Variants in NEGR1 observed in about 807,000 individuals in gnomAD.
NEGR1 encodes IgLON family member 4.
In NEGR1, 10 loss-of-function variants were observed where a neutral mutation model predicts 40.9. The observed-to-expected ratio is 0.24, with a 90% CI of 0.15 to 0.42. NEGR1 has a LOEUF of 0.42. Among genes scored for constraint, NEGR1 ranks in the 10% least tolerant of loss-of-function variants. The pLI, the probability that NEGR1 is intolerant of heterozygous loss-of-function variation, is 1.00. For synonymous variants in NEGR1, 185 were observed against 166.8 expected (o/e 1.11, Z -0.84); for missense variants, 352 against 438.9 (o/e 0.80, Z 1.77).
chr1:71,955,086 C>T (rs1436206637), intron 1 of NEGR1, among the ~76,000 whole-genome samples: 1 of 152,072 alleles, frequency 6.6e-6, no homozygotes, highest in Non-Finnish European at 1.5e-5. Context: ...AATTCTTGGC[C>T]CTTTGTACCA....
intron 4 of NEGR1, among the ~76,000 whole-genome samples, chr1:71,692,114 C>T (rs1487819440): frequency 6.6e-6 from 1 of 151,570 alleles, no homozygotes; most frequent in Non-Finnish European, 1.5e-5. Flanking sequence ...GTAGCCCAGG[C>T]TGTAGCACCT....
intron 1 of NEGR1, among the ~76,000 whole-genome samples, chr1:72,065,013 C>T (rs976540601): frequency 1.8e-4 from 28 of 151,918 alleles, no homozygotes; most frequent in East Asian, 5.8e-4. Context: ...ATCAAATATT[C>T]CTGAGTAAAA....
intron 3 of NEGR1, among the ~76,000 whole-genome samples, chr1:71,709,499 A>G (rs932852943): frequency 6.6e-6 from 1 of 152,066 alleles, no homozygotes; most frequent in East Asian, 1.9e-4. Context: ...CCAAAACAGG[A>G]TGGCACGAGT....
At chr1:71,751,183 T>C (rs1655559734) in intron 3 of NEGR1, among the ~76,000 whole-genome samples, 1 of 152,152 alleles carries the variant, frequency 6.6e-6, no homozygotes, top group Admixed American at 6.5e-5. Flanking sequence ...GTTTCAGTTT[T>C]TATCTCCCCT....
chr1:72,064,496 A>G (rs11209902), intron 1 of NEGR1, among the ~76,000 whole-genome samples: 35 of 152,186 alleles, frequency 2.3e-4, no homozygotes, highest in African/African-American at 8.2e-4. Context: ...GCTGGGATCA[A>G]ATCAGAACAC....
intron 6 of NEGR1, among the ~76,000 whole-genome samples, chr1:71,575,363 T>C (rs1218945066): frequency 2.6e-5 from 4 of 152,154 alleles, no homozygotes; most frequent in Admixed American, 2.6e-4. Context: ...AGACTAAGGG[T>C]ATTGCCCTTC....
chr1:71,788,616 G>T (rs1351815841), intron 2 of NEGR1, among the ~76,000 whole-genome samples: 1 of 151,836 alleles, frequency 6.6e-6, no homozygotes, highest in Admixed American at 6.6e-5. Context: ...CCAGCAAGAG[G>T]ATTAAATATT....
intron 1 of NEGR1, among the ~76,000 whole-genome samples, chr1:71,996,741 A>G (rs866002218): frequency 2.0e-5 from 3 of 152,246 alleles, no homozygotes; most frequent in African/African-American, 7.2e-5. Flanking sequence ...ATCAGAAGAC[A>G]TAACCATAAA....
At chr1:72,014,335 A>C (rs1012129451) in intron 1 of NEGR1, among the ~76,000 whole-genome samples, 2 of 149,770 alleles carry the variant, frequency 1.3e-5, no homozygotes, top group Non-Finnish European at 3.0e-5. Flanking sequence ...GAAGTCACAT[A>C]AGTGGTAAGT....
At chr1:72,219,904 T>C (rs1394680361) in intron 1 of NEGR1, among the ~76,000 whole-genome samples, 1 of 152,082 alleles carries the variant, frequency 6.6e-6, no homozygotes, top group East Asian at 1.9e-4. Flanking sequence ...TAGAAAATAA[T>C]ATTAATGGTT....
chr1:71,692,726 C>T (rs1318771130), intron 4 of NEGR1, among the ~76,000 whole-genome samples: 1 of 151,722 alleles, frequency 6.6e-6, no homozygotes, highest in African/African-American at 2.4e-5. Flanking sequence ...ATGTTTGGAG[C>T]TAGTTATATT....
intron 2 of NEGR1, among the ~76,000 whole-genome samples, chr1:71,913,065 T>C (rs1369412080): frequency 6.6e-6 from 1 of 152,186 alleles, no homozygotes. Context: ...ATGTTATTTC[T>C]AGCCTCATAT....
intron 6 of NEGR1, among the ~76,000 whole-genome samples, chr1:71,487,418 T>A (rs1385602902): frequency 6.6e-6 from 1 of 151,754 alleles, no homozygotes; most frequent in African/African-American, 2.4e-5. Context: ...CCCTTTAAAG[T>A]TGTAGCCCCT....
At chr1:71,976,595 C>T (rs1364589330) in intron 1 of NEGR1, among the ~76,000 whole-genome samples, 2 of 152,040 alleles carry the variant, frequency 1.3e-5, no homozygotes, top group East Asian at 3.9e-4. Context: ...TAATAATTAT[C>T]TTTTTGTATT....
At chr1:72,095,698 C>A (rs1648671202) in intron 1 of NEGR1, among the ~76,000 whole-genome samples, 1 of 151,966 alleles carries the variant, frequency 6.6e-6, no homozygotes, top group South Asian at 2.1e-4. Context: ...ATGTAATTCT[C>A]TATTATTTCA....
In NEGR1 at chr1:71,471,136, C is replaced by T. The variant is rs115130269; in HGVS notation, c.941-63566G>A. 9.9e-3 allele frequency among the ~76,000 whole-genome samples: 1,509 copies of T among 152,184 alleles called. 23 individuals carry two copies. Among genetic ancestry groups the T allele is most frequent in the African/African-American group, 0.034 (1,418 of 41,526 alleles). On this transcript the variant is annotated intron_variant, in intron 6 of 6. Coordinates refer to ENST00000357731, the MANE Select transcript of NEGR1 (RefSeq NM_173808.3). ...TACTAGCTATATTAATGTGATATTA[C>T]TATTCCATTGTCTTTATTAACGTAA...
At chr1:71,441,427 G>A (rs1646546539) in intron 6 of NEGR1, among the ~76,000 whole-genome samples, 4 of 152,106 alleles carry the variant, frequency 2.6e-5, no homozygotes, top group Admixed American at 2.0e-4. Flanking sequence ...TTTGCCAAAT[G>A]CCATGACATA....
At chr1:72,230,197 T>G (rs1654319452) in intron 1 of NEGR1, among the ~76,000 whole-genome samples, 1 of 152,118 alleles carries the variant, frequency 6.6e-6, no homozygotes, top group Admixed American at 6.6e-5. Flanking sequence ...CCCTCACAAA[T>G]TCTAAATTCA....
chr1:71,574,258 A>T lies in NEGR1; in HGVS notation c.940+18559T>A, dbSNP rs76646181. Among the ~76,000 whole-genome samples the T allele has an allele frequency of 2.1e-3, 315 of 152,204 alleles. 8 individuals are homozygous for T. The East Asian group carries it at 0.054, about 26-fold the overall frequency. ...TGGGGCTTAGGAAACTGACACAAAC[A>T]TGTTGACTTTCTGCCTATTGTTTTT... On this transcript the variant is annotated intron_variant, in intron 6 of 6. Coordinates refer to ENST00000357731, the MANE Select transcript of NEGR1 (RefSeq NM_173808.3).
Sources: allele counts gnomAD v4.1 joint callset (sites outside exome capture counted in the v4.1 genomes callset), GRCh38; gene constraint gnomAD v4.1.1; transcripts MANE v1.5; gene names NCBI Gene and HGNC (gene_info 2026-07-23, HGNC 2026-07-21).